C2CD5: variants seen among roughly 807,000 people sequenced by gnomAD.
C2CD5 encodes C2 calcium dependent domain containing 5.
In C2CD5, 109 loss-of-function variants were observed where a neutral mutation model predicts 130.3. That is an observed-to-expected ratio of 0.84 (90% CI 0.72 to 0.98). The LOEUF (loss-of-function observed/expected upper bound fraction) is 0.98. Ranked by LOEUF, C2CD5 falls within the 50% of genes least tolerant of loss-of-function variation. The pLI is 0.00. For missense variants in C2CD5, 996 were observed against 1,261.8 expected, an observed-to-expected ratio of 0.79 and a Z score of 3.19; for synonymous variants, 454 against 429.2, an observed-to-expected ratio of 1.06 and a Z score of -0.71.
chr12:22,523,350 T>C, intron 7 of C2CD5, 76 bp downstream of exon 7: 1 of 1,170,214 alleles, frequency 8.5e-7, no homozygotes, highest in Non-Finnish European at 1.2e-6. Flanking sequence ...CCTACTAAAA[T>C]GTTTCAAATC....
At chr12:22,508,268 C>T (rs1262277313) in intron 9 of C2CD5, among the ~76,000 whole-genome samples, 2 of 152,046 alleles carry the variant, frequency 1.3e-5, no homozygotes, top group Non-Finnish European at 2.9e-5. Context: ...AAAGAAAAAT[C>T]TATGCTATGT....
intron 11 of C2CD5, among the ~76,000 whole-genome samples, chr12:22,491,576 C>T (rs1946359725): frequency 6.6e-6 from 1 of 152,048 alleles, no homozygotes; most frequent in Admixed American, 6.6e-5. Context: ...ACTATGCCTT[C>T]TAAAACCATA....
In C2CD5 at chr12:22,525,622, T is replaced by G; in HGVS notation, c.433A>C (p.Lys145Gln). ...NRFRQSSCGV[K>Q]FFCTTSIPKC... ...TGTATTTACTTACTGCAAAAGAATTTGACTCCACATGATGACTGCCTAAAT... is the reference window on the plus strand; with the variant it reads ...TGTATTTACTTACTGCAAAAGAATTGGACTCCACATGATGACTGCCTAAAT... The change falls in exon 5 of 27, where the codon AAA becomes CAA. Residue 145 changes from lysine to glutamine, a missense_variant. Physicochemically the swap from Lys to Gln is moderately conservative, Grantham distance 53. Coordinates refer to ENST00000446597, the MANE Select transcript of C2CD5 (RefSeq NM_001286176.2). 1 of 1,515,818 alleles carries G rather than the reference T, an allele frequency of 6.6e-7. No homozygotes were observed. The highest frequency in any genetic ancestry group is 9.2e-7 in the Non-Finnish European group (1 of 1,091,102). 93.9% of individuals were successfully genotyped at this position (1,515,818 alleles called of 1,614,324 possible). A position where few individuals can be genotyped will look rare whatever the true frequency, so the allele number is the denominator to read the frequency against.
intron 8 of C2CD5, among the ~76,000 whole-genome samples, chr12:22,513,727 C>A (rs1949430886): frequency 6.6e-6 from 1 of 151,968 alleles, no homozygotes; most frequent in Non-Finnish European, 1.5e-5. Flanking sequence ...ACTATGCTAA[C>A]AATTTAAGAA....
intron 2 of C2CD5, among the ~76,000 whole-genome samples, chr12:22,542,302 C>T (rs904632321): frequency 6.6e-6 from 1 of 152,238 alleles, no homozygotes; most frequent in African/African-American, 2.4e-5. Flanking sequence ...CTTTGGGAGG[C>T]CGAAGCGGGA....
At chr12:22,456,905 CT>C in intron 25 of C2CD5, 65 bp downstream of exon 25, 2 of 988,456 alleles carry the variant, frequency 2.0e-6, no homozygotes, top group Admixed American at 2.7e-5. Flanking sequence ...CAATTTGAAA[CT>C]TAGTTTTGTT....
chr12:22,455,131 G>C (rs932172321), intron 25 of C2CD5, among the ~76,000 whole-genome samples: 4 of 152,112 alleles, frequency 2.6e-5, no homozygotes, highest in African/African-American at 9.7e-5. Context: ...AAAGCCTGAG[G>C]ATCCTACATA....
rs575014950 is a variant in C2CD5, at chr12:22,523,118, G to A, written c.800+308C>T. Among the ~76,000 whole-genome samples, 214 of 152,204 alleles carry A rather than the reference G, an allele frequency of 1.4e-3. 1 individual carries two copies. The highest frequency in any genetic ancestry group is 4.9e-3 in the African/African-American group (204 of 41,516). On this transcript the variant is annotated intron_variant, in intron 7 of 26. Transcript: ENST00000446597. ...AGTCCCAGCTACTCAGGCGGCTGAG[G>A]TGGGAGGATCACCTGAGCCTAGAAG...
Position 22,518,111 on chromosome 12 carries a change from G to C in C2CD5, c.827C>G (p.Pro276Arg). 6.2e-7 allele frequency: 1 copy of C among 1,613,822 alleles called. No individual in the cohort carries two copies. The highest frequency in any genetic ancestry group is 8.5e-7 in the Non-Finnish European group (1 of 1,179,778). The change falls in exon 8 of 27, where the codon CCC (proline) becomes CGC (arginine). Residue 276 changes from proline to arginine, a missense_variant. By Grantham distance (103) the Pro-to-Arg change is moderately radical. Around this residue, in one of 9 missense-constraint regions of C2CD5, gnomAD observed 156 missense variants for 165.9 expected, o/e 0.94. Coordinates refer to ENST00000446597, the MANE Select transcript of C2CD5 (RefSeq NM_001286176.2). ...TGAGGGTCCTGATGAGTGAGTATTG[G>C]GATTGGGATCTTCATTGAAGGGAAT... ...KEIPFNEDPN[P>R]NTHSSGPSTP...
intron 3 of C2CD5, among the ~76,000 whole-genome samples, chr12:22,533,599 G>A (rs890630930): frequency 2.6e-5 from 4 of 152,126 alleles, no homozygotes; most frequent in Non-Finnish European, 5.9e-5. Flanking sequence ...GTAACACAAC[G>A]GACTTCCTAA....
chr12:22,464,277 A>T (rs1246999933), intron 22 of C2CD5, among the ~76,000 whole-genome samples: 2 of 152,176 alleles, frequency 1.3e-5, no homozygotes, highest in East Asian at 3.9e-4. Flanking sequence ...TTTCTAATTA[A>T]AGGTGTACGA....
At chr12:22,512,598 A>G (rs1949304358) in intron 9 of C2CD5, 3 of 1,236,846 alleles carry the variant, frequency 2.4e-6, no homozygotes, top group Non-Finnish European at 2.2e-6. Flanking sequence ...TAAAACTAGA[A>G]AGCTATCAAT....
At chr12:22,536,853 T>G (rs1951863993) in intron 2 of C2CD5, among the ~76,000 whole-genome samples, 1 of 152,156 alleles carries the variant, frequency 6.6e-6, no homozygotes, top group South Asian at 2.1e-4. Flanking sequence ...CATAATTTTT[T>G]TAATCACAAT....
chr12:22,462,534 C>G (rs962288438), intron 22 of C2CD5, among the ~76,000 whole-genome samples: 1 of 152,038 alleles, frequency 6.6e-6, no homozygotes, highest in African/African-American at 2.4e-5. Flanking sequence ...TTTAACAAGC[C>G]CTGTGTGTAG....
At chr12:22,482,356 T>A (rs1281431713) in intron 14 of C2CD5, among the ~76,000 whole-genome samples, 1 of 152,224 alleles carries the variant, frequency 6.6e-6, no homozygotes, top group Non-Finnish European at 1.5e-5. Context: ...AATAGAATTA[T>A]TAAAGTTGTG....
chr12:22,454,572 T>C (rs1939430291), intron 25 of C2CD5, among the ~76,000 whole-genome samples: 1 of 147,200 alleles, frequency 6.8e-6, no homozygotes, highest in Non-Finnish European at 1.5e-5. Context: ...ACTTTTCATT[T>C]TTTTTTTTTT....
At chr12:22,513,236 A>C in intron 9 of C2CD5, 58 bp downstream of exon 9, 1 of 1,182,364 alleles carries the variant, frequency 8.5e-7, no homozygotes, top group Non-Finnish European at 1.3e-6. Context: ...ACATGGAAGC[A>C]TAAGATAACA....
chr12:22,460,925 T>C (rs1466651229), intron 22 of C2CD5, among the ~76,000 whole-genome samples: 1 of 152,054 alleles, frequency 6.6e-6, no homozygotes, highest in Non-Finnish European at 1.5e-5. Flanking sequence ...CTGTAACATA[T>C]ACAGAGCTGA....
intron 13 of C2CD5, among the ~76,000 whole-genome samples, chr12:22,483,139 C>T (rs1944966075): frequency 6.6e-6 from 1 of 151,992 alleles, no homozygotes; most frequent in African/African-American, 2.4e-5. Context: ...ATCAAAGTAG[C>T]TCATGTACCC....
Sources: allele counts gnomAD v4.1 joint callset (sites outside exome capture counted in the v4.1 genomes callset), GRCh38; gene constraint gnomAD v4.1.1; regional missense constraint gnomAD v4.1.1; transcripts MANE v1.5; gene names NCBI Gene and HGNC (gene_info 2026-07-23, HGNC 2026-07-21).